Variants in GLIS3 observed in about 807,000 individuals in gnomAD.
GLIS3 encodes zinc finger protein GLIS3.
GLIS3 carries 53 observed loss-of-function variants against 78.6 expected under a neutral mutation model. The observed-to-expected ratio is 0.67, with a 90% CI of 0.54 to 0.85. The LOEUF is 0.85. GLIS3 is among the 40% of genes least tolerant of loss of function. The pLI, the probability that GLIS3 is intolerant of heterozygous loss-of-function variation, is 0.00. For synonymous variants in GLIS3, 684 were observed against 509.9 expected, an observed-to-expected ratio of 1.34 and a Z score of -4.60; for missense variants, 1,703 against 1,231.1, an observed-to-expected ratio of 1.38 and a Z score of -5.74.
intron 2 of GLIS3, among the ~76,000 whole-genome samples, chr9:4,225,173 T>C (rs950480781): frequency 3.0e-4 from 45 of 152,164 alleles, no homozygotes; most frequent in African/African-American, 1.1e-3. Flanking sequence ...GGTAAGTTAA[T>C]AAGATGAGAC....
At chr9:4,453,714 T>A in the GLIS3 span, among the ~76,000 whole-genome samples, 27 of 152,308 alleles carry the variant, frequency 1.8e-4, no homozygotes, top group African/African-American at 5.8e-4. Context: ...TGGATGAAGC[T>A]GGAAACCATC....
At chr9:4,323,452 C>G (rs1817565086) in intron 2 of GLIS3, among the ~76,000 whole-genome samples, 1 of 152,136 alleles carries the variant, frequency 6.6e-6, no homozygotes, top group South Asian at 2.1e-4. Context: ...GTCCATGTAG[C>G]TGTGTGTAGC....
chr9:4,372,741 A>G, the GLIS3 span, among the ~76,000 whole-genome samples: 3 of 152,230 alleles, frequency 2.0e-5, no homozygotes, highest in Non-Finnish European at 4.4e-5. Flanking sequence ...TCCTAAAAAT[A>G]GAATCAAGGG....
intron 3 of GLIS3, 95 bp downstream of exon 3, chr9:4,125,639 T>A (rs1832516167): frequency 1.5e-6 from 1 of 675,340 alleles, no homozygotes; most frequent in Non-Finnish European, 2.5e-6. Context: ...TATGAGTGTG[T>A]GTGTGTGTGT....
chr9:4,236,611 T>G (rs1587088972), intron 2 of GLIS3, among the ~76,000 whole-genome samples: 2 of 152,192 alleles, frequency 1.3e-5, no homozygotes, highest in East Asian at 3.8e-4. Flanking sequence ...AGCAGTCTAA[T>G]TTCCACCACA....
the GLIS3 span, among the ~76,000 whole-genome samples, chr9:4,478,649 G>A: frequency 1.3e-5 from 2 of 151,472 alleles, no homozygotes; most frequent in Admixed American, 6.6e-5. Flanking sequence ...AGTTGCAAGT[G>A]CACTAATTCA....
the GLIS3 span, among the ~76,000 whole-genome samples, chr9:4,402,731 G>T: frequency 6.6e-6 from 1 of 152,130 alleles, no homozygotes; most frequent in African/African-American, 2.4e-5. Flanking sequence ...TTAAGCAGAA[G>T]AAAGACTTAT....
the GLIS3 span, among the ~76,000 whole-genome samples, chr9:4,472,300 A>C: frequency 6.6e-6 from 1 of 152,240 alleles, no homozygotes; most frequent in Admixed American, 6.5e-5. Flanking sequence ...ATAAAGACAC[A>C]TGCACACATA....
intron 4 of GLIS3, among the ~76,000 whole-genome samples, chr9:4,099,568 T>G (rs1830213578): frequency 6.6e-6 from 1 of 152,202 alleles, no homozygotes; most frequent in African/African-American, 2.4e-5. Flanking sequence ...CTAAAGACCG[T>G]GTTTTCACAT....
chr9:4,228,749 C>G (rs1290758125), intron 2 of GLIS3, among the ~76,000 whole-genome samples: 1 of 152,192 alleles, frequency 6.6e-6, no homozygotes, highest in African/African-American at 2.4e-5. Flanking sequence ...AATGATGATG[C>G]TTCCTCTCTA....
intron 2 of GLIS3, among the ~76,000 whole-genome samples, chr9:4,280,426 G>C (rs1357425192): frequency 6.6e-6 from 1 of 152,120 alleles, no homozygotes; most frequent in African/African-American, 2.4e-5. Context: ...GAAAGATACT[G>C]GCTTAGGAAT....
chr9:4,252,217 T>C (rs1216967535), intron 2 of GLIS3, among the ~76,000 whole-genome samples: 1 of 152,208 alleles, frequency 6.6e-6, no homozygotes, highest in Non-Finnish European at 1.5e-5. Context: ...CTTGGTTCCA[T>C]TCTCCCCGTC....
At chr9:3,940,729 T>C (rs916649268) in intron 4 of GLIS3, among the ~76,000 whole-genome samples, 13 of 152,000 alleles carry the variant, frequency 8.6e-5, no homozygotes, top group African/African-American at 3.1e-4. Flanking sequence ...AGGGTGACAG[T>C]GTGGGGAGCA....
chr9:4,146,993 C>A (rs575949430), intron 2 of GLIS3, among the ~76,000 whole-genome samples: 1 of 152,172 alleles, frequency 6.6e-6, no homozygotes, highest in African/African-American at 2.4e-5. Context: ...AGATCTTATA[C>A]CAAATTAAAG....
chr9:4,371,029 T>C, the GLIS3 span, among the ~76,000 whole-genome samples: 2 of 152,214 alleles, frequency 1.3e-5, no homozygotes, highest in African/African-American at 4.8e-5. Context: ...CTGGGTTGGG[T>C]AGAATTATAC....
Position 4,118,949 on chromosome 9 carries a change from G to A in GLIS3, c.597-68C>T. The A allele has an allele frequency of 6.7e-7, 1 of 1,500,006 alleles. No individual in the cohort carries two copies. The highest frequency in any genetic ancestry group is 9.0e-7 in the Non-Finnish European group (1 of 1,107,652). The allele number at this position is 1,500,006 out of a possible 1,614,324, so 92.9% of individuals were successfully genotyped here. On this transcript the variant is annotated intron_variant, in intron 3 of 10. Transcript: ENST00000381971. The surrounding 1 kb of genome is among the most constrained non-coding windows in gnomAD (Gnocchi z 4.7). ...TTTTAGCAGGATACGGATTGCTTAA[G>A]AGCTAAAAGAACACTGCATTGACAA...
At chr9:4,113,419 A>G (rs1043165686) in intron 4 of GLIS3, among the ~76,000 whole-genome samples, 3 of 152,178 alleles carry the variant, frequency 2.0e-5, no homozygotes. Flanking sequence ...ATTGATCTCC[A>G]AAGTGGTTAC....
the GLIS3 span, among the ~76,000 whole-genome samples, chr9:4,458,479 AGT>A: frequency 6.6e-6 from 1 of 152,164 alleles, no homozygotes; most frequent in Non-Finnish European, 1.5e-5. Context: ...GTGGAAGTAG[AGT>A]GTGTTACTTT....
the GLIS3 span, among the ~76,000 whole-genome samples, chr9:4,449,988 G>T: frequency 1.3e-5 from 2 of 152,086 alleles, no homozygotes; most frequent in East Asian, 1.9e-4. Context: ...AGCTGGAGGG[G>T]GAATGACTTT....
Sources: allele counts gnomAD v4.1 joint callset (sites outside exome capture counted in the v4.1 genomes callset), GRCh38; gene constraint gnomAD v4.1.1; non-coding constraint Gnocchi (gnomAD v3.1); transcripts MANE v1.5; gene names NCBI Gene and HGNC (gene_info 2026-07-23, HGNC 2026-07-21).